COL27A1: variants seen among roughly 807,000 people sequenced by gnomAD.
COL27A1 encodes collagen type XXVII alpha 1 chain, also known as collagen alpha-1(XXVII) chain.
A neutral mutation model predicts 251.3 loss-of-function variants in COL27A1; 106 were observed. The observed-to-expected ratio is 0.42, with a 90% CI of 0.36 to 0.50. The LOEUF is 0.50. COL27A1 is among the 20% of genes least tolerant of loss of function. The pLI is 0.00. For missense variants in COL27A1, 2,325 were observed against 2,522.8 expected (o/e 0.92, Z 1.68); for synonymous variants, 1,000 against 986.3 (o/e 1.01, Z -0.26).
rs1488690427 is a variant in COL27A1 at position 114,168,689 on chromosome 9, A to G, written c.1134A>G (p.Ser378=). Residue 378 remains serine (S), a synonymous_variant, in exon 3 of 61, where the codon TCA becomes TCG. Coordinates refer to ENST00000356083, the MANE Select transcript of COL27A1 (RefSeq NM_032888.4). The part of the protein sequence containing the change: ...LPTKPSAPST[S]IVPIKSPHPT... ...CCAAGCCTTCGGCCCCTTCTACTTC[A>G]ATTGTGCCCATCAAAAGCCCCCATC... is the stretch of plus-strand genomic sequence containing the variant. 1.2e-6 allele frequency: 2 copies of G among 1,613,996 alleles called. No individual in the cohort carries two copies. Among genetic ancestry groups the G allele is most frequent in the South Asian group, 2.2e-5 (2 of 91,070 alleles).
In COL27A1 at chr9:114,288,437, CT is replaced by C; in HGVS notation, c.3988-17del. On this transcript the variant is annotated splice_polypyrimidine_tract_variant and intron_variant, in intron 41 of 60. Transcript: ENST00000356083. ...CAGGAGCAGGCGGTTTGCCCTAAAG[CT>C]GGTTCTGTGTCCACAGGGGGAGCAG... The C allele has an allele frequency of 6.2e-7, 1 of 1,608,726 alleles. No homozygotes were observed. The highest frequency in any genetic ancestry group is 8.5e-7 in the Non-Finnish European group (1 of 1,178,384).
rs188363861 is a variant in COL27A1, at chr9:114,169,332, G to A, written c.1777G>A (p.Ala593Thr). 6.2e-7 allele frequency: 1 copy of A among 1,612,614 alleles called. No individual in the cohort carries two copies. Among genetic ancestry groups the A allele is most frequent in the African/African-American group, 1.3e-5 (1 of 75,018 alleles). ...SQQTTPALVL[A>T]PAQFLSSSPR... is the part of the protein sequence containing the mutation. ...GCAGACCACCCCGGCCCTGGTATTG[G>A]CCCCGGCGCAATTCCTGTCCTCCAG... The change falls in exon 3 of 61, where the codon GCC (alanine) becomes ACC (threonine). Residue 593 changes from alanine to threonine, a missense_variant. Physicochemically the swap from Ala to Thr is moderately conservative, Grantham distance 58. Coordinates refer to ENST00000356083, the MANE Select transcript of COL27A1 (RefSeq NM_032888.4).
intron 5 of COL27A1, among the ~76,000 whole-genome samples, chr9:114,185,197 C>T (rs1351352123): frequency 1.3e-5 from 2 of 152,176 alleles, no homozygotes; most frequent in African/African-American, 2.4e-5. Context: ...AGTGAGTTCT[C>T]CTGCCACCAC....
In COL27A1 at chr9:114,304,589, C is replaced by T. The variant is rs1159354329; in HGVS notation, c.4873-19C>T. ...ACCCTGGGGGGCCACGATACATACC[C>T]TGTCTTTTCCTTGCCCAGCAACAAG... On this transcript the variant is annotated intron_variant, in intron 56 of 60. Coordinates refer to ENST00000356083, the MANE Select transcript of COL27A1 (RefSeq NM_032888.4). 2 of 1,613,784 alleles carry T rather than the reference C, an allele frequency of 1.2e-6. No individual in the cohort carries two copies. Among genetic ancestry groups the T allele is most frequent in the Admixed American group, 1.7e-5 (1 of 60,008 alleles).
At chr9:114,308,564 C>T (rs537111927) in intron 59 of COL27A1, among the ~76,000 whole-genome samples, 4 of 152,182 alleles carry the variant, frequency 2.6e-5, no homozygotes, top group East Asian at 1.9e-4. Context: ...AACTCCCCTG[C>T]GGCCAGAGCT....
At chr9:114,300,570 G>T in intron 50 of COL27A1, 55 bp from the exon 51 acceptor site, 2 of 1,428,576 alleles carry the variant, frequency 1.4e-6, no homozygotes, top group South Asian at 2.7e-5. Flanking sequence ...GAGCTGTGGG[G>T]GCCCTTTACC....
chr9:114,286,170 TC>T (rs755539173), intron 41 of COL27A1, among the ~76,000 whole-genome samples: 1 of 151,402 alleles, frequency 6.6e-6, no homozygotes, highest in Non-Finnish European at 1.5e-5. Context: ...ATAGGGCGAG[TC>T]CCATGAATGA....
At chr9:114,246,673 G>A (rs888373024) in intron 24 of COL27A1, among the ~76,000 whole-genome samples, 1 of 152,184 alleles carries the variant, frequency 6.6e-6, no homozygotes, top group Non-Finnish European at 1.5e-5. Flanking sequence ...GCCGCACCAC[G>A]AAACCCCGTC....
intron 16 of COL27A1, among the ~76,000 whole-genome samples, chr9:114,232,389 C>T (rs1034504952): frequency 1.4e-4 from 22 of 152,240 alleles, no homozygotes; most frequent in Non-Finnish European, 2.8e-4. Flanking sequence ...CTCTCCCTAT[C>T]TCACCCTGTG....
intron 37 of COL27A1, among the ~76,000 whole-genome samples, chr9:114,276,970 C>A (rs1302344450): frequency 6.6e-6 from 1 of 152,218 alleles, no homozygotes; most frequent in Non-Finnish European, 1.5e-5. Flanking sequence ...ACTTCCCAGG[C>A]TCACACAGTG....
intron 3 of COL27A1, among the ~76,000 whole-genome samples, chr9:114,177,458 G>A (rs1184354222): frequency 6.6e-6 from 1 of 152,194 alleles, no homozygotes; most frequent in African/African-American, 2.4e-5. Flanking sequence ...GAGAGTAGAG[G>A]CAGGGAGACC....
intron 14 of COL27A1, 33 bp from the exon 15 acceptor site, chr9:114,231,046 T>A (rs1263974633): frequency 6.2e-7 from 1 of 1,604,052 alleles, no homozygotes. Context: ...GGGCCACTGC[T>A]CACAGCACCC....
chr9:114,299,604 G>A (rs1054572765), intron 49 of COL27A1, among the ~76,000 whole-genome samples: 3 of 152,230 alleles, frequency 2.0e-5, no homozygotes. Flanking sequence ...TGTAAACAGG[G>A]GATATGGTGT....
At chr9:114,279,967 T>C (rs1437578607) in intron 37 of COL27A1, among the ~76,000 whole-genome samples, 1 of 152,188 alleles carries the variant, frequency 6.6e-6, no homozygotes, top group African/African-American at 2.4e-5. Context: ...TTTAGCACTC[T>C]TTTTGTAGTA....
At chr9:114,238,540 G>A (rs1033380571) in intron 19 of COL27A1, among the ~76,000 whole-genome samples, 12 of 152,186 alleles carry the variant, frequency 7.9e-5, no homozygotes, top group South Asian at 2.1e-4. Context: ...TGGATAGGCC[G>A]GACCCTGCCA....
At chr9:114,198,824 C>T (rs1829353865) in intron 7 of COL27A1, among the ~76,000 whole-genome samples, 1 of 152,198 alleles carries the variant, frequency 6.6e-6, no homozygotes, top group Admixed American at 6.5e-5. Context: ...GGAATCCCCG[C>T]TCTGTCCCTC....
chr9:114,211,125 C>T (rs1588669957), intron 12 of COL27A1, 99 bp downstream of exon 12: 12 of 1,257,762 alleles, frequency 9.5e-6, no homozygotes, highest in East Asian at 2.3e-5. Flanking sequence ...TCTTCTGCTT[C>T]TCCCCCTGCT....
intron 19 of COL27A1, 128 bp from the exon 20 acceptor site, chr9:114,240,092 A>T (rs1832653083): frequency 1.2e-6 from 1 of 835,874 alleles, no homozygotes. Context: ...AAGGTGGTTA[A>T]CTGACCTGCC....
In COL27A1 at chr9:114,311,050, C is replaced by T. The variant is rs1445594909; in HGVS notation, c.*355C>T. The T allele has an allele frequency of 8.8e-6, 2 of 227,780 alleles. No individual in the cohort carries two copies. The highest frequency in any genetic ancestry group is 1.7e-5 in the Non-Finnish European group (2 of 115,468). 14.1% of individuals were successfully genotyped at this position (227,780 alleles called of 1,614,324 possible). A position where few individuals can be genotyped will look rare whatever the true frequency, so the allele number is the denominator to read the frequency against. On this transcript the variant is annotated 3_prime_UTR_variant, in exon 61 of 61. Transcript: ENST00000356083. ...TTCAAGCCAACTTGAGGGAAGGGGG[C>T]GTCTCGTCAGCTGGTCCCTGCTAGG...
Sources: allele counts gnomAD v4.1 joint callset (sites outside exome capture counted in the v4.1 genomes callset), GRCh38; gene constraint gnomAD v4.1.1; transcripts MANE v1.5; gene names NCBI Gene and HGNC (gene_info 2026-07-23, HGNC 2026-07-21).